Variants in PLD5 observed in about 807,000 individuals in gnomAD.
PLD5 encodes the protein inactive phospholipase D5.
PLD5 carries 36 observed loss-of-function variants against 61.1 expected under a neutral mutation model. The observed-to-expected ratio is 0.59, with a 90% CI of 0.45 to 0.78. PLD5 has a LOEUF of 0.78. PLD5 is among the 30% of genes least tolerant of loss of function. PLD5 has a pLI of 0.00. For missense variants in PLD5, 515 were observed against 644.4 expected (o/e 0.80, Z 2.17); for synonymous variants, 243 against 242.8 (o/e 1.00, Z -0.01).
At chr1:242,444,204 T>A (rs910372120) in intron 1 of PLD5, among the ~76,000 whole-genome samples, 6 of 152,158 alleles carry the variant, frequency 3.9e-5, no homozygotes, top group African/African-American at 1.4e-4. Context: ...CTTGACACCA[T>A]CTTCAAGGAG....
At chr1:242,483,601 G>A (rs372589865) in intron 1 of PLD5, among the ~76,000 whole-genome samples, 3 of 152,014 alleles carry the variant, frequency 2.0e-5, no homozygotes, top group African/African-American at 2.4e-5. Flanking sequence ...CTCCCACACA[G>A]TAATAATGGG....
intron 1 of PLD5, among the ~76,000 whole-genome samples, chr1:242,516,600 A>G (rs935958839): frequency 6.6e-6 from 1 of 152,170 alleles, no homozygotes; most frequent in African/African-American, 2.4e-5. Context: ...TTCCCACTGC[A>G]TTACAGAGTC....
intron 1 of PLD5, among the ~76,000 whole-genome samples, chr1:242,512,166 C>T (rs765138014): frequency 1.5e-4 from 22 of 151,396 alleles, no homozygotes; most frequent in African/African-American, 2.2e-4. Flanking sequence ...AATCCCAGCA[C>T]TTTGGGAGGC....
intron 4 of PLD5, among the ~76,000 whole-genome samples, chr1:242,240,119 C>A (rs185674007): frequency 6.6e-6 from 1 of 152,248 alleles, no homozygotes; most frequent in South Asian, 2.1e-4. Flanking sequence ...TTATTTTACA[C>A]TGCACATGGC....
chr1:242,318,375 G>A (rs1413166155), intron 2 of PLD5, among the ~76,000 whole-genome samples: 1 of 152,178 alleles, frequency 6.6e-6, no homozygotes, highest in Non-Finnish European at 1.5e-5. Flanking sequence ...CTCCTCTGCT[G>A]TCACACCTGC....
At chr1:242,438,950 T>A (rs1243994106) in intron 1 of PLD5, among the ~76,000 whole-genome samples, 1 of 133,466 alleles carries the variant, frequency 7.5e-6, no homozygotes, top group Non-Finnish European at 1.7e-5. Flanking sequence ...AGCTTGTTAC[T>A]CTTATCACCC....
At chr1:242,384,669 T>C (rs1238586048) in intron 1 of PLD5, among the ~76,000 whole-genome samples, 1 of 152,242 alleles carries the variant, frequency 6.6e-6, no homozygotes, top group Non-Finnish European at 1.5e-5. Flanking sequence ...AAGCGTTTTG[T>C]GAAATGTGAT....
intron 4 of PLD5, among the ~76,000 whole-genome samples, chr1:242,222,503 C>T (rs1047568186): frequency 2.0e-5 from 3 of 152,184 alleles, no homozygotes; most frequent in Non-Finnish European, 2.9e-5. Context: ...AGAAACTCCT[C>T]GAACCCTCTG....
chr1:242,415,749 G>A (rs111319753), intron 1 of PLD5, among the ~76,000 whole-genome samples: 5,701 of 151,954 alleles, frequency 0.038, 382 homozygotes, highest in African/African-American at 0.13. Context: ...TCCTGACCTC[G>A]TGATCTGCCT....
At chr1:242,159,518 G>A (rs1343603505) in intron 5 of PLD5, among the ~76,000 whole-genome samples, 1 of 152,112 alleles carries the variant, frequency 6.6e-6, no homozygotes, top group East Asian at 1.9e-4. Flanking sequence ...AAGCTTTACT[G>A]TTAGGCAGCC....
chr1:242,092,957 ACCTGCC>A (rs1201440030), intron 9 of PLD5, among the ~76,000 whole-genome samples: 2 of 152,072 alleles, frequency 1.3e-5, no homozygotes, highest in Non-Finnish European at 2.9e-5. Context: ...AGAGAGAGGG[ACCTGCC>A]CCCTTTTGCT....
At chr1:242,241,830 T>A (rs1190058377) in intron 4 of PLD5, among the ~76,000 whole-genome samples, 1 of 140,942 alleles carries the variant, frequency 7.1e-6, no homozygotes, top group African/African-American at 2.6e-5. Flanking sequence ...TTAAAAATAT[T>A]GAAGAAGGCT....
chr1:242,189,998 G>T (rs956314114), intron 5 of PLD5, among the ~76,000 whole-genome samples: 2 of 151,836 alleles, frequency 1.3e-5, no homozygotes, highest in Non-Finnish European at 2.9e-5. Context: ...AGATTCAATT[G>T]AAACTCAAAT....
At chr1:242,149,282 G>T (rs567662731) in intron 5 of PLD5, among the ~76,000 whole-genome samples, 1 of 151,874 alleles carries the variant, frequency 6.6e-6, no homozygotes, top group African/African-American at 2.4e-5. Flanking sequence ...TTAGTCTTTT[G>T]ATACAGTATT....
intron 2 of PLD5, among the ~76,000 whole-genome samples, chr1:242,321,771 T>C (rs1239895179): frequency 6.6e-6 from 1 of 152,252 alleles, no homozygotes; most frequent in Non-Finnish European, 1.5e-5. Flanking sequence ...GTAATCACTC[T>C]GTGATTCTCC....
At chr1:242,190,138 CTT>C (rs902616187) in intron 5 of PLD5, among the ~76,000 whole-genome samples, 1 of 74,402 alleles carries the variant, frequency 1.3e-5, no homozygotes, top group Non-Finnish European at 2.3e-5. Flanking sequence ...GACAGGACTC[CTT>C]TTTTTTTTTT....
At chr1:242,401,444 A>G (rs543524319) in intron 1 of PLD5, among the ~76,000 whole-genome samples, 33 of 152,096 alleles carry the variant, frequency 2.2e-4, no homozygotes, top group African/African-American at 7.2e-4. Context: ...CAGACTTCCC[A>G]TCATACTTGG....
intron 5 of PLD5, among the ~76,000 whole-genome samples, chr1:242,125,014 G>A (rs532868673): frequency 1.6e-4 from 24 of 152,058 alleles, no homozygotes; most frequent in African/African-American, 5.8e-4. Context: ...AATTTTACTT[G>A]CAACATAACC....
chr1:242,296,688 C>T (rs1348391262), intron 2 of PLD5, among the ~76,000 whole-genome samples: 1 of 152,158 alleles, frequency 6.6e-6, no homozygotes, highest in Non-Finnish European at 1.5e-5. Context: ...CCAGCAAGAG[C>T]TGGCTGGCTA....
Sources: gnomAD v4.1 joint callset for allele counts (sites outside exome capture counted in the v4.1 genomes callset) on GRCh38, gnomAD v4.1.1 for gene constraint, MANE v1.5 for transcripts, NCBI Gene and HGNC (gene_info 2026-07-23, HGNC 2026-07-21) for gene names.